OR2L13: variants seen among roughly 807,000 people sequenced by gnomAD.
The protein encoded by OR2L13 is olfactory receptor family 2 subfamily L member 13.
A neutral mutation model predicts 15.3 loss-of-function variants in OR2L13; 14 were observed. The ratio of observed to expected loss-of-function variants is 0.91; its 90% CI spans 0.60 to 1.43. The LOEUF (loss-of-function observed/expected upper bound fraction) is 1.43. OR2L13 is among the 40% of genes most tolerant of loss of function. The pLI is 0.00. For missense variants in OR2L13, 367 were observed against 387.9 expected, an observed-to-expected ratio of 0.95 and a Z score of 0.45; for synonymous variants, 152 against 142.9, an observed-to-expected ratio of 1.06 and a Z score of -0.45.
chr1:247,949,270 G>T, the OR2L13 span: 12 of 1,614,046 alleles, frequency 7.4e-6, no homozygotes, highest in African/African-American at 1.6e-4. Flanking sequence ...ATGAGCAAAA[G>T]AGTGTGTGTG....
chr1:247,941,673 A>G, the OR2L13 span, among the ~76,000 whole-genome samples: 2 of 152,184 alleles, frequency 1.3e-5, no homozygotes, highest in Non-Finnish European at 2.9e-5. Flanking sequence ...GTCATGAAAG[A>G]GAGAGACCTT....
the OR2L13 span, among the ~76,000 whole-genome samples, chr1:247,954,345 A>T: frequency 6.6e-6 from 1 of 152,222 alleles, no homozygotes; most frequent in Non-Finnish European, 1.5e-5. Flanking sequence ...TGGTAAGAAA[A>T]TGCAAAGATA....
chr1:248,039,146 C>T, the OR2L13 span: 290 of 1,613,674 alleles, frequency 1.8e-4, 1 homozygote, highest in African/African-American at 3.2e-3. Flanking sequence ...GCCTGAGAAA[C>T]AAGGAGGTGA....
the OR2L13 span, among the ~76,000 whole-genome samples, chr1:247,939,961 A>G: frequency 6.6e-6 from 1 of 152,212 alleles, no homozygotes; most frequent in African/African-American, 2.4e-5. Context: ...TATTAAAAAC[A>G]TGTACTAATA....
chr1:248,037,903 G>A, the OR2L13 span, among the ~76,000 whole-genome samples: 1 of 152,178 alleles, frequency 6.6e-6, no homozygotes, highest in South Asian at 2.1e-4. Context: ...ATGTCATCAT[G>A]TAGACATTTT....
At chr1:248,051,332 G>A in the OR2L13 span, 1 of 152,106 alleles carries the variant, frequency 6.6e-6, no homozygotes, top group Non-Finnish European at 1.5e-5. Context: ...TGTAGCATGT[G>A]TCAAAATTTC....
At chr1:247,999,121 T>C in the OR2L13 span, among the ~76,000 whole-genome samples, 1 of 152,248 alleles carries the variant, frequency 6.6e-6, no homozygotes, top group South Asian at 2.1e-4. Context: ...AACCCATGGA[T>C]TCTTCCCCCT....
the OR2L13 span, chr1:248,023,420 T>G: frequency 6.6e-6 from 1 of 152,350 alleles, no homozygotes; most frequent in East Asian, 1.9e-4. Flanking sequence ...AATTTCTTTA[T>G]AAAAGATTCT....
the OR2L13 span, among the ~76,000 whole-genome samples, chr1:247,981,792 A>G: frequency 6.6e-6 from 1 of 151,980 alleles, no homozygotes; most frequent in African/African-American, 2.4e-5. Flanking sequence ...CATGTTCACT[A>G]TGTCACAGAC....
the OR2L13 span, among the ~76,000 whole-genome samples, chr1:247,960,924 T>A: frequency 6.6e-6 from 1 of 152,132 alleles, no homozygotes; most frequent in Admixed American, 6.5e-5. Context: ...TGGCTCACGC[T>A]CAGTGTGCTG....
At chr1:248,054,456 T>A in the OR2L13 span, among the ~76,000 whole-genome samples, 3 of 152,108 alleles carry the variant, frequency 2.0e-5, no homozygotes, top group Admixed American at 2.0e-4. Flanking sequence ...TTTAAAATAG[T>A]TCTTTTTTTC....
chr1:247,991,075 G>A, the OR2L13 span: 3 of 1,586,542 alleles, frequency 1.9e-6, 1 homozygote, highest in South Asian at 3.3e-5. Context: ...TCCGACAGAG[G>A]ACAAGGTTCT....
At chr1:248,099,286 C>T in intron 2 of OR2L13, 72 bp from the exon 3 acceptor site, 1 of 857,570 alleles carries the variant, frequency 1.2e-6, no homozygotes, top group South Asian at 1.7e-5. Flanking sequence ...AAAGTCAGTT[C>T]CTTTTTGTTT....
the OR2L13 span, among the ~76,000 whole-genome samples, chr1:247,972,729 C>T: frequency 6.6e-6 from 1 of 152,214 alleles, no homozygotes; most frequent in Non-Finnish European, 1.5e-5. Context: ...CATTCTGAAA[C>T]TATTCCAAAC....
At chr1:248,086,858 CTT>C in the OR2L13 span, among the ~76,000 whole-genome samples, 16 of 151,078 alleles carry the variant, frequency 1.1e-4, no homozygotes, top group Non-Finnish European at 1.9e-4. Flanking sequence ...TCCACATACA[CTT>C]ATATATACAT....
upstream of OR2L13, among the ~76,000 whole-genome samples, chr1:248,094,702 G>A (rs147745243): frequency 1.6e-3 from 248 of 152,276 alleles, 1 homozygote; most frequent in Non-Finnish European, 2.7e-3. Flanking sequence ...CTAACAAGTA[G>A]AAGGAAGTGT....
chr1:248,028,119 C>A, the OR2L13 span, among the ~76,000 whole-genome samples: 2 of 118,420 alleles, frequency 1.7e-5, no homozygotes, highest in Admixed American at 1.2e-4. Context: ...CTAGCCTGAG[C>A]GACAGAGCGA....
chr1:248,024,169 G>A, the OR2L13 span: 1 of 152,016 alleles, frequency 6.6e-6, no homozygotes, highest in Non-Finnish European at 1.5e-5. Context: ...TAAGTTTTAA[G>A]CCCCATATGC....
chr1:248,078,453 C>T, the OR2L13 span, among the ~76,000 whole-genome samples: 3 of 151,732 alleles, frequency 2.0e-5, no homozygotes, highest in Non-Finnish European at 4.4e-5. Context: ...AGCCTGGCAA[C>T]AGAGCGAGAC....
Sources: gnomAD v4.1 joint callset for allele counts (sites outside exome capture counted in the v4.1 genomes callset) on GRCh38, gnomAD v4.1.1 for gene constraint, MANE v1.5 for transcripts, NCBI Gene and HGNC (gene_info 2026-07-23, HGNC 2026-07-21) for gene names.